ZDHHC2: variants seen among roughly 807,000 people sequenced by gnomAD.
ZDHHC2 encodes zDHHC palmitoyltransferase 2.
A neutral mutation model predicts 55.6 loss-of-function variants in ZDHHC2; 51 were observed. That is an observed-to-expected ratio of 0.92 (90% CI 0.73 to 1.16). The LOEUF (loss-of-function observed/expected upper bound fraction) is 1.16. ZDHHC2 is among the 50% of genes most tolerant of loss of function. The pLI is 0.00. For missense variants in ZDHHC2, 491 were observed against 442.4 expected (o/e 1.11, Z -0.99); for synonymous variants, 199 against 152.9 (o/e 1.30, Z -2.22).
chr8:17,211,711 G>A (rs896272209), intron 10 of ZDHHC2, among the ~76,000 whole-genome samples: 13 of 152,090 alleles, frequency 8.5e-5, no homozygotes, highest in African/African-American at 2.7e-4. Context: ...CCTAGAGTGA[G>A]CTATGTACAG....
intron 3 of ZDHHC2, among the ~76,000 whole-genome samples, chr8:17,189,929 T>G (rs967197726): frequency 6.6e-6 from 1 of 152,204 alleles, no homozygotes; most frequent in African/African-American, 2.4e-5. Flanking sequence ...CTAGTGCTAC[T>G]GTGTGGGAGA....
At position 17,223,146 on chromosome 8, in the gene ZDHHC2, A is replaced by C. The variant is rs1037565518; in HGVS notation, c.*2925A>C. On this transcript the variant is annotated 3_prime_UTR_variant, in exon 13 of 13. Coordinates refer to ENST00000262096, the MANE Select transcript of ZDHHC2 (RefSeq NM_016353.5). The stretch of plus-strand genomic sequence containing the variant: ...AAACTAGCAGATTTTCCCTATTTTG[A>C]AATGCATGTAAACGGGCTCGGCTGA... 1.3e-5 allele frequency: 2 copies of C among 151,916 alleles called. No homozygotes were observed. The highest frequency in any genetic ancestry group is 4.8e-5 in the African/African-American group (2 of 41,448). The allele number at this position is 151,916 out of a possible 1,614,324, so 9.4% of individuals were successfully genotyped here.
At chr8:17,217,991 A>C (rs1234466454) in intron 12 of ZDHHC2, among the ~76,000 whole-genome samples, 1 of 152,216 alleles carries the variant, frequency 6.6e-6, no homozygotes, top group Non-Finnish European at 1.5e-5. Flanking sequence ...AAGTCTATGA[A>C]AAGCAAGAGA....
intron 6 of ZDHHC2, among the ~76,000 whole-genome samples, chr8:17,202,773 A>G (rs1004866016): frequency 6.6e-6 from 1 of 151,716 alleles, no homozygotes; most frequent in East Asian, 1.9e-4. Flanking sequence ...GCACATACAT[A>G]CACACACACA....
intron 6 of ZDHHC2, among the ~76,000 whole-genome samples, chr8:17,200,053 C>G (rs1433698970): frequency 3.3e-5 from 5 of 152,176 alleles, no homozygotes; most frequent in African/African-American, 1.2e-4. Flanking sequence ...CCATGCCTGG[C>G]CAACGTCTTC....
intron 1 of ZDHHC2, among the ~76,000 whole-genome samples, chr8:17,159,737 C>T (rs917027244): frequency 1.3e-5 from 2 of 152,086 alleles, no homozygotes; most frequent in Non-Finnish European, 2.9e-5. Context: ...AAGTCAGCTT[C>T]CTATTCTGCC....
intron 2 of ZDHHC2, 114 bp downstream of exon 2, chr8:17,184,929 T>G (rs1048574961): frequency 1.1e-6 from 1 of 943,024 alleles, no homozygotes; most frequent in African/African-American, 1.7e-5. Context: ...GGAGACAAGC[T>G]AGGGTTAAAG....
At chr8:17,189,946 G>C (rs546925576) in intron 3 of ZDHHC2, among the ~76,000 whole-genome samples, 9 of 152,216 alleles carry the variant, frequency 5.9e-5, no homozygotes, top group Admixed American at 4.6e-4. Context: ...GAGAGCTAAG[G>C]TTCAACCAAA....
intron 3 of ZDHHC2, among the ~76,000 whole-genome samples, chr8:17,190,575 G>A (rs1390204731): frequency 1.3e-5 from 2 of 151,940 alleles, no homozygotes; most frequent in Non-Finnish European, 2.9e-5. Flanking sequence ...GTTTTTCATT[G>A]GTAAGATTTT....
chr8:17,205,398 C>A (rs182291462), intron 6 of ZDHHC2, among the ~76,000 whole-genome samples: 1 of 152,102 alleles, frequency 6.6e-6, no homozygotes, highest in East Asian at 1.9e-4. Flanking sequence ...TGCATACTTG[C>A]GTAATTTGAG....
chr8:17,157,978 T>C (rs775799376), intron 1 of ZDHHC2, among the ~76,000 whole-genome samples: 2 of 152,230 alleles, frequency 1.3e-5, no homozygotes, highest in Non-Finnish European at 2.9e-5. Context: ...AGTGTCATAA[T>C]AATACATCAA....
chr8:17,187,975 A>G (rs1209191831), intron 3 of ZDHHC2, among the ~76,000 whole-genome samples: 1 of 152,186 alleles, frequency 6.6e-6, no homozygotes, highest in Non-Finnish European at 1.5e-5. Context: ...TCACTGCTCT[A>G]ATTCTGGGTC....
intron 1 of ZDHHC2, among the ~76,000 whole-genome samples, chr8:17,173,151 C>T (rs1184083569): frequency 6.6e-6 from 1 of 152,096 alleles, no homozygotes; most frequent in Non-Finnish European, 1.5e-5. Context: ...AACGGCTGCC[C>T]AGGACAAAGC....
chr8:17,205,623 A>T (rs757020941), intron 6 of ZDHHC2, 32 bp from the exon 7 acceptor site: 6 of 1,571,982 alleles, frequency 3.8e-6, no homozygotes, highest in Non-Finnish European at 5.2e-6. Flanking sequence ...AAGATGTAAA[A>T]CTCACTGGAA....
chr8:17,196,779 G>T lies in ZDHHC2; in HGVS notation c.374-803G>T, dbSNP rs962667728. 1.8e-4 allele frequency among the ~76,000 whole-genome samples: 28 copies of T among 152,020 alleles called. 1 individual carries two copies. The highest frequency in any genetic ancestry group is 6.3e-4 in the African/African-American group (26 of 41,470). ...AATTAGCCTGGGCGTGGTGGCGCATGCCTGTAGTCCCAGCTACTCAGCTCA... is the reference window on the plus strand; with the variant it reads ...AATTAGCCTGGGCGTGGTGGCGCATTCCTGTAGTCCCAGCTACTCAGCTCA... On this transcript the variant is annotated intron_variant, in intron 4 of 12. Coordinates refer to ENST00000262096, the MANE Select transcript of ZDHHC2 (RefSeq NM_016353.5).
chr8:17,173,696 A>C (rs1346224707), intron 1 of ZDHHC2, among the ~76,000 whole-genome samples: 1 of 151,830 alleles, frequency 6.6e-6, no homozygotes, highest in Non-Finnish European at 1.5e-5. Context: ...AAAAAAAGAA[A>C]GAAAGAAAGA....
intron 3 of ZDHHC2, among the ~76,000 whole-genome samples, chr8:17,192,888 G>T (rs1016467021): frequency 3.9e-5 from 6 of 152,158 alleles, no homozygotes; most frequent in South Asian, 2.1e-4. Context: ...CCTTTCCCCA[G>T]TGTATGTTCT....
intron 6 of ZDHHC2, among the ~76,000 whole-genome samples, chr8:17,203,048 C>T (rs936531501): frequency 1.4e-5 from 2 of 144,340 alleles, no homozygotes; most frequent in Non-Finnish European, 3.0e-5. Context: ...TATTTACACC[C>T]ATGTTGTCCA....
intron 12 of ZDHHC2, among the ~76,000 whole-genome samples, chr8:17,219,961 T>G (rs1807841764): frequency 6.6e-6 from 1 of 152,124 alleles, no homozygotes; most frequent in Admixed American, 6.5e-5. Flanking sequence ...AGCAACATTG[T>G]CATGACCTGG....
Sources: allele counts gnomAD v4.1 joint callset (sites outside exome capture counted in the v4.1 genomes callset), GRCh38; gene constraint gnomAD v4.1.1; transcripts MANE v1.5; gene names NCBI Gene and HGNC (gene_info 2026-07-23, HGNC 2026-07-21).